MYZAP: variants seen among roughly 807,000 people sequenced by gnomAD.
The protein encoded by MYZAP is GRINL1A complex locus upstream.
MYZAP carries 66 observed loss-of-function variants against 69.4 expected under a neutral mutation model. The observed-to-expected ratio is 0.95, with a 90% CI of 0.78 to 1.17. MYZAP has a LOEUF of 1.17. MYZAP is among the 50% of genes most tolerant of loss of function. The pLI, the probability that MYZAP is intolerant of heterozygous loss-of-function variation, is 0.00. For synonymous variants in MYZAP, 256 were observed against 205.9 expected (o/e 1.24, Z -2.09); for missense variants, 611 against 556.2 (o/e 1.10, Z -0.99).
At chr15:57,658,636 C>T (rs1348961755) in intron 10 of MYZAP, among the ~76,000 whole-genome samples, 1 of 152,168 alleles carries the variant, frequency 6.6e-6, no homozygotes, top group Non-Finnish European at 1.5e-5. Context: ...GATCAAGTTT[C>T]ACCTTTTCGG....
chr15:57,674,894 T>C (rs1216728782), intron 11 of MYZAP, 74 bp from the exon 12 acceptor site: 6 of 1,294,098 alleles, frequency 4.6e-6, no homozygotes, highest in African/African-American at 2.9e-5. Context: ...AGATAATACA[T>C]ATAAATTGTA....
intron 1 of MYZAP, among the ~76,000 whole-genome samples, chr15:57,596,311 T>C (rs2034055006): frequency 6.6e-6 from 1 of 152,220 alleles, no homozygotes; most frequent in African/African-American, 2.4e-5. Context: ...CCCTGGTCAC[T>C]GGGGAAGGCT....
intron 10 of MYZAP, among the ~76,000 whole-genome samples, chr15:57,641,161 G>C (rs1374791612): frequency 6.6e-6 from 1 of 152,116 alleles, no homozygotes; most frequent in African/African-American, 2.4e-5. Context: ...CTAATCGTTA[G>C]AGAACTATTG....
intron 2 of MYZAP, among the ~76,000 whole-genome samples, chr15:57,610,655 A>G (rs935246264): frequency 2.6e-5 from 4 of 152,190 alleles, no homozygotes; most frequent in Non-Finnish European, 5.9e-5. Flanking sequence ...TTTTCCAAAC[A>G]TTCCTTTATT....
At chr15:57,633,555 C>G in intron 7 of MYZAP, 58 bp from the exon 8 acceptor site, 2 of 1,547,000 alleles carry the variant, frequency 1.3e-6, no homozygotes, top group Non-Finnish European at 1.7e-6. Context: ...TGATTGGATC[C>G]CGGTGAGTAG....
At chr15:57,614,269 C>T (rs535550868) in intron 2 of MYZAP, among the ~76,000 whole-genome samples, 5 of 152,328 alleles carry the variant, frequency 3.3e-5, no homozygotes, top group Middle Eastern at 3.4e-3. Flanking sequence ...ACGTCAGTCA[C>T]TGTTAGATCT....
intron 11 of MYZAP, among the ~76,000 whole-genome samples, chr15:57,666,960 C>A (rs1398746819): frequency 2.0e-5 from 3 of 151,960 alleles, no homozygotes; most frequent in African/African-American, 7.3e-5. Context: ...AGAAAATGTT[C>A]TTAAAATAAC....
intron 6 of MYZAP, among the ~76,000 whole-genome samples, chr15:57,630,142 A>G (rs879824764): frequency 2.0e-5 from 3 of 151,886 alleles, no homozygotes; most frequent in Non-Finnish European, 2.9e-5. Context: ...TAATTTTTGT[A>G]TTTTTAGTAG....
At chr15:57,647,505 A>C in intron 10 of MYZAP, 1 of 985,438 alleles carries the variant, frequency 1.0e-6, no homozygotes, top group Non-Finnish European at 1.2e-6. Context: ...TTAAAAAAGG[A>C]AATAATTAAG....
intron 11 of MYZAP, among the ~76,000 whole-genome samples, chr15:57,672,752 C>T (rs1447590678): frequency 2.0e-5 from 3 of 152,184 alleles, no homozygotes; most frequent in Non-Finnish European, 2.9e-5. Flanking sequence ...TGCCTTTTCT[C>T]AACCCAGTGT....
chr15:57,655,510 C>A (rs767736475), intron 10 of MYZAP, among the ~76,000 whole-genome samples: 29 of 152,076 alleles, frequency 1.9e-4, no homozygotes, highest in Non-Finnish European at 3.5e-4. Flanking sequence ...GTAAAAGCTC[C>A]CTCCATGGGT....
At position 57,675,087 on chromosome 15, in the gene MYZAP, A is replaced by AT. The variant is rs5812908; in HGVS notation, c.1304+30dup. ...TACCCAGGTATTTAGGAATTTCCTG[A>AT]TTTTTTTTTTTATTCAAATTCCTCT... On this transcript the variant is annotated intron_variant, in intron 12 of 12. Coordinates refer to ENST00000267853, the MANE Select transcript of MYZAP (RefSeq NM_001018100.5). 1,201 of 1,366,284 alleles carry AT rather than the reference A, an allele frequency of 8.8e-4. No individual in the cohort carries two copies. Among genetic ancestry groups the AT allele is most frequent in the African/African-American group, 3.1e-3 (217 of 68,942 alleles). 84.6% of individuals were successfully genotyped at this position (1,366,284 alleles called of 1,614,324 possible). A position where few individuals can be genotyped will look rare whatever the true frequency, so the allele number is the denominator to read the frequency against.
chr15:57,637,682 CTGTT>C lies in MYZAP; in HGVS notation c.934-7_934-4del. ...GATCCATTGATTAAAATATCAGTTT[CTGTT>C]TGTTTTAGGAACGTCATCAACTGCA... On this transcript the variant is annotated splice_polypyrimidine_tract_variant and intron_variant, in intron 8 of 12. Transcript: ENST00000267853. The C allele has an allele frequency of 6.2e-7, 1 of 1,610,702 alleles. No homozygotes were observed. Among genetic ancestry groups the C allele is most frequent in the East Asian group, 2.2e-5 (1 of 44,794 alleles).
intron 2 of MYZAP, among the ~76,000 whole-genome samples, chr15:57,610,112 G>A (rs896235579): frequency 5.9e-5 from 9 of 152,148 alleles, no homozygotes; most frequent in African/African-American, 1.4e-4. Flanking sequence ...GGCAGATACC[G>A]TTTTAAATAG....
Position 57,632,823 on chromosome 15 carries a change from G to A in MYZAP, c.804+264G>A, listed in dbSNP as rs541987079. Among the ~76,000 whole-genome samples, 4 of 152,216 alleles carry A rather than the reference G, an allele frequency of 2.6e-5. No individual in the cohort carries two copies. In the South Asian group the frequency reaches 8.3e-4, roughly 32 times the overall value. On this transcript the variant is annotated intron_variant, in intron 7 of 12. Transcript: ENST00000267853. ...TTCTAGCTCATCTGACAATTTGCCA[G>A]CATCTAAGCAAACCCTGGGCTTGCC...
chr15:57,608,363 G>A (rs2034891143), intron 2 of MYZAP, among the ~76,000 whole-genome samples: 2 of 152,210 alleles, frequency 1.3e-5, no homozygotes, highest in African/African-American at 4.8e-5. Context: ...GTTGTGGATG[G>A]CGTATTTTGC....
intron 11 of MYZAP, among the ~76,000 whole-genome samples, chr15:57,667,497 A>G (rs1209093718): frequency 6.6e-6 from 1 of 152,222 alleles, no homozygotes; most frequent in Non-Finnish European, 1.5e-5. Context: ...TCTCAATCCC[A>G]GAAGCAATCT....
chr15:57,641,639 G>GACC (rs1194735067), intron 10 of MYZAP, among the ~76,000 whole-genome samples: 4 of 152,022 alleles, frequency 2.6e-5, no homozygotes, highest in African/African-American at 9.7e-5. Context: ...AGTGAATGTA[G>GACC]ACCACCACCA....
chr15:57,684,365 G>C (rs778595368), intron 12 of MYZAP, 37 bp from the exon 13 acceptor site: 3 of 1,442,628 alleles, frequency 2.1e-6, no homozygotes, highest in South Asian at 2.3e-5. Flanking sequence ...GTTTTGTTTT[G>C]TTTCATTTTC....
Sources: gnomAD v4.1 joint callset for allele counts (sites outside exome capture counted in the v4.1 genomes callset) on GRCh38, gnomAD v4.1.1 for gene constraint, MANE v1.5 for transcripts, NCBI Gene and HGNC (gene_info 2026-07-23, HGNC 2026-07-21) for gene names.